Variants in CFAP299 observed in about 807,000 individuals in gnomAD.
The protein encoded by CFAP299 is cilia- and flagella-associated protein 299.
In CFAP299, 21 loss-of-function variants were observed where a neutral mutation model predicts 27.0. The observed-to-expected ratio is 0.78, with a 90% CI of 0.55 to 1.12. CFAP299 has a LOEUF of 1.12. Ranked by LOEUF, CFAP299 falls within the 50% of genes most tolerant of loss-of-function variation. CFAP299 has a pLI of 0.00. For synonymous variants in CFAP299, 104 were observed against 98.1 expected, an observed-to-expected ratio of 1.06 and a Z score of -0.36; for missense variants, 310 against 276.6, an observed-to-expected ratio of 1.12 and a Z score of -0.86.
chr4:80,517,134 G>A (rs1732626907), intron 2 of CFAP299, among the ~76,000 whole-genome samples: 1 of 152,142 alleles, frequency 6.6e-6, no homozygotes, highest in Non-Finnish European at 1.5e-5. Flanking sequence ...TCAGTGAAAT[G>A]TCTAGTTTCA....
intron 1 of CFAP299, among the ~76,000 whole-genome samples, chr4:80,355,860 T>G (rs1283376581): frequency 6.6e-6 from 1 of 152,202 alleles, no homozygotes; most frequent in Non-Finnish European, 1.5e-5. Flanking sequence ...CATTTGTCAA[T>G]TTTTGCTTTT....
chr4:80,836,733 A>G (rs977015227), intron 3 of CFAP299, among the ~76,000 whole-genome samples: 2 of 152,166 alleles, frequency 1.3e-5, no homozygotes, highest in Non-Finnish European at 2.9e-5. Context: ...ATTAGGATGC[A>G]TATATCTTTG....
chr4:80,665,169 A>G (rs1185515730), intron 3 of CFAP299, among the ~76,000 whole-genome samples: 1 of 152,138 alleles, frequency 6.6e-6, no homozygotes, highest in African/African-American at 2.4e-5. Context: ...AGCTGTTTCT[A>G]TTTGGCCATC....
intron 3 of CFAP299, among the ~76,000 whole-genome samples, chr4:80,808,935 G>T (rs1285281156): frequency 1.3e-5 from 2 of 152,210 alleles, no homozygotes; most frequent in South Asian, 4.1e-4. Context: ...TCTTCCAGAT[G>T]CAGAGAAAAT....
intron 3 of CFAP299, among the ~76,000 whole-genome samples, chr4:80,742,777 A>C (rs184407661): frequency 4.6e-5 from 7 of 152,336 alleles, no homozygotes; most frequent in Admixed American, 4.6e-4. Flanking sequence ...TTGGATGTCC[A>C]GGAAAGCCAG....
At chr4:80,324,996 GCC>G in the CFAP299 span, among the ~76,000 whole-genome samples, 1 of 152,188 alleles carries the variant, frequency 6.6e-6, no homozygotes, top group Admixed American at 6.5e-5. Context: ...GGTGGCACGT[GCC>G]TGTAGTCTCA....
chr4:80,533,051 T>A (rs1469445245), intron 2 of CFAP299, among the ~76,000 whole-genome samples: 1 of 152,254 alleles, frequency 6.6e-6, no homozygotes, highest in Non-Finnish European at 1.5e-5. Context: ...CCCAACCTTA[T>A]GTATACTAAG....
chr4:80,728,418 A>G (rs905013351), intron 3 of CFAP299, among the ~76,000 whole-genome samples: 1 of 152,204 alleles, frequency 6.6e-6, no homozygotes, highest in African/African-American at 2.4e-5. Context: ...TTAAAAAACA[A>G]TACTTTTTCC....
chr4:80,961,565 C>G (rs565329268), intron 5 of CFAP299, among the ~76,000 whole-genome samples: 1 of 151,652 alleles, frequency 6.6e-6, no homozygotes, highest in East Asian at 1.9e-4. Context: ...ACATTTTAAC[C>G]TAATTCATTA....
At position 80,388,460 on chromosome 4, in the gene CFAP299, A is replaced by T. The variant is rs984131819; in HGVS notation, c.242+25576A>T. ...GTAGATGCTGTTGGTGACCAGCGAG[A>T]CTGTGTCCAGGTCGGGGGCATTTCT... On this transcript the variant is annotated intron_variant, in intron 2 of 5. Transcript: ENST00000358105. 4 of 1,008,162 alleles carry T rather than the reference A, an allele frequency of 4.0e-6. No homozygotes were observed. In the African/African-American group the frequency reaches 6.6e-5, roughly 17 times the overall value. The allele number at this position is 1,008,162 out of a possible 1,614,324, so 62.5% of individuals were successfully genotyped here.
At chr4:80,799,856 A>G (rs1438614769) in intron 3 of CFAP299, among the ~76,000 whole-genome samples, 1 of 27,266 alleles carries the variant, frequency 3.7e-5, no homozygotes, top group Non-Finnish European at 5.2e-5. Context: ...ATAATATATA[A>G]ATATATATTA....
chr4:80,865,820 C>T (rs1028481798), intron 3 of CFAP299, among the ~76,000 whole-genome samples: 1 of 142,726 alleles, frequency 7.0e-6, no homozygotes, highest in African/African-American at 2.6e-5. Context: ...ATGGCAAGGA[C>T]AAAAAACCAA....
chr4:80,913,685 T>G (rs1031025388), intron 4 of CFAP299, among the ~76,000 whole-genome samples: 1 of 152,206 alleles, frequency 6.6e-6, no homozygotes, highest in East Asian at 1.9e-4. Context: ...CTTTTTAGTT[T>G]GGTCAGTACA....
At chr4:80,550,460 C>A (rs973585827) in intron 2 of CFAP299, among the ~76,000 whole-genome samples, 1 of 152,002 alleles carries the variant, frequency 6.6e-6, no homozygotes, top group Non-Finnish European at 1.5e-5. Context: ...CTGATATAGA[C>A]AAATTATGCA....
At chr4:80,340,590 A>G (rs897392061) in intron 1 of CFAP299, among the ~76,000 whole-genome samples, 1 of 152,138 alleles carries the variant, frequency 6.6e-6, no homozygotes, top group Non-Finnish European at 1.5e-5. Context: ...AGTGCAGTAG[A>G]CTGGAGACTG....
At chr4:80,951,885 A>AC (rs1737797945) in intron 5 of CFAP299, among the ~76,000 whole-genome samples, 1 of 152,206 alleles carries the variant, frequency 6.6e-6, no homozygotes, top group Admixed American at 6.5e-5. Context: ...GAAAGCACAG[A>AC]CCATATACCA....
intron 3 of CFAP299, among the ~76,000 whole-genome samples, chr4:80,772,593 T>G (rs1028019047): frequency 6.6e-6 from 1 of 152,100 alleles, no homozygotes; most frequent in African/African-American, 2.4e-5. Flanking sequence ...ATGTGCATCA[T>G]GTGCAGATTT....
chr4:80,545,143 C>A (rs1734165517), intron 2 of CFAP299, among the ~76,000 whole-genome samples: 1 of 152,026 alleles, frequency 6.6e-6, no homozygotes, highest in Admixed American at 6.6e-5. Flanking sequence ...TCAAGAAATT[C>A]TTTGAAACTG....
chr4:80,550,381 C>T (rs1396392613), intron 2 of CFAP299, among the ~76,000 whole-genome samples: 1 of 152,024 alleles, frequency 6.6e-6, no homozygotes, highest in African/African-American at 2.4e-5. Flanking sequence ...TCCTGGGTCA[C>T]TATATGCAAC....
Sources: allele counts gnomAD v4.1 joint callset (sites outside exome capture counted in the v4.1 genomes callset), GRCh38; gene constraint gnomAD v4.1.1; transcripts MANE v1.5; gene names NCBI Gene and HGNC (gene_info 2026-07-23, HGNC 2026-07-21).